MAPK10: variants seen among roughly 807,000 people sequenced by gnomAD.
The protein encoded by MAPK10 is JNK3 alpha protein kinase.
A neutral mutation model predicts 59.3 loss-of-function variants in MAPK10; 25 were observed. The ratio of observed to expected loss-of-function variants is 0.42; its 90% CI spans 0.31 to 0.59. MAPK10 has a LOEUF of 0.59. Ranked by LOEUF, MAPK10 falls within the 20% of genes least tolerant of loss-of-function variation. MAPK10 has a pLI of 0.15. For missense variants in MAPK10, 351 were observed against 568.9 expected, an observed-to-expected ratio of 0.62 and a Z score of 3.90; for synonymous variants, 190 against 200.5, an observed-to-expected ratio of 0.95 and a Z score of 0.44.
chr4:86,331,791 C>A (rs1266422354), intron 2 of MAPK10, among the ~76,000 whole-genome samples: 2 of 152,062 alleles, frequency 1.3e-5, no homozygotes, highest in Admixed American at 6.6e-5. Flanking sequence ...ATGAAATGAA[C>A]CTCATGAAAT....
At chr4:86,161,590 GGA>G (rs2149235127) in intron 3 of MAPK10, among the ~76,000 whole-genome samples, 1 of 62,372 alleles carries the variant, frequency 1.6e-5, no homozygotes, top group South Asian at 7.3e-4. Flanking sequence ...GTTTAATTTG[GGA>G]TGAATGAAGT....
intron 1 of MAPK10, among the ~76,000 whole-genome samples, chr4:86,422,086 C>G (rs1746609583): frequency 6.6e-6 from 1 of 152,162 alleles, no homozygotes; most frequent in Admixed American, 6.5e-5. Flanking sequence ...ATGGCATTAC[C>G]TGTCTATTTC....
intron 11 of MAPK10, among the ~76,000 whole-genome samples, chr4:86,043,370 G>A (rs1407830139): frequency 6.6e-6 from 1 of 152,064 alleles, no homozygotes; most frequent in Non-Finnish European, 1.5e-5. Flanking sequence ...ATTCAAATGG[G>A]CAAATACATG....
intron 1 of MAPK10, among the ~76,000 whole-genome samples, chr4:86,502,156 C>A (rs1415193226): frequency 2.0e-5 from 3 of 151,906 alleles, no homozygotes; most frequent in African/African-American, 7.3e-5. Context: ...ACTTTTTGAT[C>A]TCCATTTTTT....
intron 3 of MAPK10, among the ~76,000 whole-genome samples, chr4:86,172,003 G>A (rs1209125062): frequency 1.8e-3 from 250 of 136,218 alleles, no homozygotes; most frequent in African/African-American, 4.7e-3. Context: ...TCAGAGAAAT[G>A]CAAATCAAAA....
At chr4:86,029,451 TG>T (rs1382339108) in intron 12 of MAPK10, among the ~76,000 whole-genome samples, 177 bp from the exon 13 acceptor site, 1 of 152,170 alleles carries the variant, frequency 6.6e-6, no homozygotes, top group Non-Finnish European at 1.5e-5. Flanking sequence ...GCAGAGAGCC[TG>T]GCACAAATAG....
intron 3 of MAPK10, among the ~76,000 whole-genome samples, chr4:86,190,670 A>G (rs1337267506): frequency 6.7e-6 from 1 of 149,586 alleles, no homozygotes; most frequent in African/African-American, 2.5e-5. Context: ...CAGTCTATCT[A>G]TTTTGTTAAC....
intron 2 of MAPK10, among the ~76,000 whole-genome samples, chr4:86,319,581 T>C (rs966594003): frequency 1.3e-5 from 2 of 152,170 alleles, no homozygotes; most frequent in Admixed American, 1.3e-4. Flanking sequence ...TCAGCTGCAG[T>C]GGACAGTTCC....
rs145139547 is a variant in MAPK10, at chr4:86,269,176, G to A, written c.-6-74769C>T. ...TTGCCTGCAATGTGATATTCTCAGT[G>A]TTCCTCTCCACACTTCATAGACACA... On this transcript the variant is annotated intron_variant, in intron 2 of 13. Coordinates refer to ENST00000641462, the MANE Select transcript of MAPK10 (RefSeq NM_138982.4). Among the ~76,000 whole-genome samples the A allele has an allele frequency of 2.9e-3, 443 of 152,236 alleles. 1 individual carries two copies. The highest frequency in any genetic ancestry group is 0.02 in the Middle Eastern group (6 of 294).
intron 2 of MAPK10, chr4:86,327,426 A>G (rs2148905276): frequency 6.6e-6 from 1 of 152,176 alleles, no homozygotes; most frequent in South Asian, 2.1e-4. Flanking sequence ...TTTTTTAAAA[A>G]ATATGAATTT....
intron 9 of MAPK10, chr4:86,080,633 A>G (rs2050450097): frequency 6.6e-6 from 1 of 152,010 alleles, no homozygotes; most frequent in African/African-American, 2.4e-5. Context: ...GGTAAGCCAA[A>G]CAAATGGCAA....
chr4:86,148,348 T>C (rs1451574555), intron 4 of MAPK10, among the ~76,000 whole-genome samples: 1 of 152,036 alleles, frequency 6.6e-6, no homozygotes, highest in Non-Finnish European at 1.5e-5. Context: ...TGAAAGAAAA[T>C]AGCTTCATAT....
At chr4:86,485,992 C>G (rs921141696) in intron 1 of MAPK10, among the ~76,000 whole-genome samples, 4 of 152,206 alleles carry the variant, frequency 2.6e-5, no homozygotes, top group Non-Finnish European at 1.5e-5. Context: ...GCCCTCCAGT[C>G]TGTGGTATTC....
At position 86,029,208 on chromosome 4, in the gene MAPK10, G is replaced by A. The variant is rs781438063; in HGVS notation, c.1241C>T (p.Pro414Leu). ...CGGAGAGTGAGTACCTGAAGGAGAA[G>A]GCTGTCCTTTTACTACACCATTTTT... is the stretch of plus-strand genomic sequence containing the variant. ...KTKNGVVKGQ[P>L]SPSGAAVNSS... Residue 414 changes from proline to leucine, a missense_variant, in exon 13 of 14, where the codon CCT (proline) becomes CTT (leucine). Around this residue, in one of 5 missense-constraint regions of MAPK10, gnomAD observed 155 missense variants for 204.2 expected, o/e 0.76. Coordinates refer to ENST00000641462, the MANE Select transcript of MAPK10 (RefSeq NM_138982.4). The A allele has an allele frequency of 6.2e-7, 1 of 1,607,802 alleles. No individual in the cohort carries two copies. Among genetic ancestry groups the A allele is most frequent in the South Asian group, 1.1e-5 (1 of 90,934 alleles).
chr4:86,256,707 T>C (rs116148101), intron 2 of MAPK10, among the ~76,000 whole-genome samples: 14,910 of 150,116 alleles, frequency 0.099, 997 homozygotes, highest in Middle Eastern at 0.14. Context: ...TTATGTATTA[T>C]ACTCCATTTT....
At chr4:86,243,029 G>A (rs993433933) in intron 2 of MAPK10, among the ~76,000 whole-genome samples, 6 of 152,192 alleles carry the variant, frequency 3.9e-5, no homozygotes, top group Non-Finnish European at 7.4e-5. Flanking sequence ...TGGGTAGCGC[G>A]CTCACTCACT....
chr4:86,026,624 G>C (rs957592431), intron 13 of MAPK10: 3 of 152,126 alleles, frequency 2.0e-5, no homozygotes, highest in Non-Finnish European at 4.4e-5. Context: ...CTGAGATACT[G>C]CATTAACTTA....
intron 1 of MAPK10, among the ~76,000 whole-genome samples, chr4:86,368,554 T>C (rs1391681046): frequency 1.3e-5 from 2 of 152,322 alleles, no homozygotes; most frequent in Admixed American, 6.5e-5. Context: ...TCCTGAAAGT[T>C]CTTCCTAGTG....
chr4:86,204,709 C>A (rs997272401), intron 2 of MAPK10, among the ~76,000 whole-genome samples: 1 of 151,956 alleles, frequency 6.6e-6, no homozygotes, highest in Non-Finnish European at 1.5e-5. Context: ...TTCTTTCCTT[C>A]TTCCAACTCC....
Sources: gnomAD v4.1 joint callset for allele counts (sites outside exome capture counted in the v4.1 genomes callset) on GRCh38, gnomAD v4.1.1 for gene constraint, gnomAD v4.1.1 regional missense constraint, MANE v1.5 for transcripts, NCBI Gene and HGNC (gene_info 2026-07-23, HGNC 2026-07-21) for gene names.